TRAF3: variants seen among roughly 807,000 people sequenced by gnomAD.
TRAF3 encodes the protein TNF receptor-associated factor 3.
A neutral mutation model predicts 62.3 loss-of-function variants in TRAF3; 13 were observed. The ratio of observed to expected loss-of-function variants is 0.21; its 90% CI spans 0.14 to 0.33. The LOEUF is 0.33. TRAF3 is among the 10% of genes least tolerant of loss of function. The pLI is 1.00. For missense variants in TRAF3, 440 were observed against 741.8 expected, an observed-to-expected ratio of 0.59 and a Z score of 4.73; for synonymous variants, 269 against 283.4, an observed-to-expected ratio of 0.95 and a Z score of 0.51.
intron 1 of TRAF3, among the ~76,000 whole-genome samples, chr14:102,778,924 A>G (rs1486004843): frequency 6.6e-6 from 1 of 152,230 alleles, no homozygotes; most frequent in Admixed American, 6.5e-5. Flanking sequence ...CTGGCAAAAT[A>G]GTGTACAGCG....
chr14:102,883,124 C>T (rs566215230), intron 6 of TRAF3, among the ~76,000 whole-genome samples: 44 of 152,288 alleles, frequency 2.9e-4, no homozygotes, highest in African/African-American at 1.1e-3. Context: ...GAAACACACA[C>T]GCCAGGAAAT....
rs532764488 is a variant in TRAF3, at chr14:102,905,915, G to T, written c.*131G>T. On this transcript the variant is annotated 3_prime_UTR_variant, in exon 12 of 12. Transcript: ENST00000392745. ...GGAGGAAGCGGCAGAAGGCGGACGC[G>T]TGCCGGCGGGAGGAGCCACGCGTGA... 12 of 818,658 alleles carry T rather than the reference G, an allele frequency of 1.5e-5. No homozygotes were observed. The highest frequency in any genetic ancestry group is 2.1e-5 in the Non-Finnish European group (11 of 524,688). 50.7% of individuals were successfully genotyped at this position (818,658 alleles called of 1,614,324 possible).
chr14:102,789,450 A>C (rs1897678124), intron 1 of TRAF3, among the ~76,000 whole-genome samples: 1 of 139,462 alleles, frequency 7.2e-6, no homozygotes, highest in Non-Finnish European at 1.6e-5. Flanking sequence ...ATTTCAGGAC[A>C]TCTTTGCTAA....
chr14:102,893,389 A>G (rs917751066), intron 9 of TRAF3, among the ~76,000 whole-genome samples: 2 of 146,320 alleles, frequency 1.4e-5, no homozygotes, highest in South Asian at 4.3e-4. Flanking sequence ...GACTGTCTCA[A>G]AAAAAAAAAA....
chr14:102,871,145 GCTC>G (rs1328098172), intron 3 of TRAF3, among the ~76,000 whole-genome samples: 1 of 152,242 alleles, frequency 6.6e-6, no homozygotes, highest in East Asian at 1.9e-4. Context: ...AAGGTTGCCA[GCTC>G]CTCCTCCCAC....
rs1890389599 is a variant in TRAF3, at chr14:102,903,159, T to A, written c.961-96T>A. The A allele has an allele frequency of 1.3e-6, 2 of 1,572,466 alleles. No individual in the cohort carries two copies. Among genetic ancestry groups the A allele is most frequent in the Non-Finnish European group, 1.7e-6 (2 of 1,143,508 alleles). ...CAGGCCTCATACAGGGGCCTCTGAC[T>A]GTTCTGCTCCTAGCCTGTCTGTATT... On this transcript the variant is annotated intron_variant, in intron 10 of 11. Transcript: ENST00000392745. This position sits in a 1 kb window ranked among gnomAD's most constrained non-coding sequence, Gnocchi z 6.4.
chr14:102,784,803 C>T (rs1897418078), intron 1 of TRAF3, among the ~76,000 whole-genome samples: 2 of 152,088 alleles, frequency 1.3e-5, no homozygotes, highest in Non-Finnish European at 2.9e-5. Flanking sequence ...TAGGAGGAGG[C>T]GTTTCCCAAG....
chr14:102,891,202 C>T, intron 8 of TRAF3, 123 bp from the exon 9 acceptor site: 1 of 912,264 alleles, frequency 1.1e-6, no homozygotes. Flanking sequence ...ATTCCCTGTT[C>T]ACTTGACGCA....
At chr14:102,843,969 C>T (rs771644687) in intron 2 of TRAF3, among the ~76,000 whole-genome samples, 4 of 152,190 alleles carry the variant, frequency 2.6e-5, no homozygotes, top group Admixed American at 6.5e-5. Flanking sequence ...ATTAGCATCA[C>T]GCTATATACA....
At chr14:102,901,168 G>A (rs1890277734) in intron 10 of TRAF3, among the ~76,000 whole-genome samples, 1 of 152,148 alleles carries the variant, frequency 6.6e-6, no homozygotes, top group African/African-American at 2.4e-5. Flanking sequence ...CCCCTGCTGT[G>A]TGGGGGAGTC....
intron 1 of TRAF3, among the ~76,000 whole-genome samples, chr14:102,822,516 G>A (rs546972542): frequency 9.2e-5 from 14 of 152,242 alleles, no homozygotes; most frequent in African/African-American, 2.9e-4. Context: ...AAATGTGTGC[G>A]TATCTAAAGT....
chr14:102,880,669 T>C (rs1888998669), intron 6 of TRAF3, among the ~76,000 whole-genome samples: 1 of 152,254 alleles, frequency 6.6e-6, no homozygotes, highest in Non-Finnish European at 1.5e-5. Context: ...GTATGTTCAT[T>C]GAAGCAGTAT....
chr14:102,778,041 CGCGGGTTTCACGCGGGGGGACGG>C, intron 1 of TRAF3, among the ~76,000 whole-genome samples: 1 of 150,514 alleles, frequency 6.6e-6, no homozygotes, highest in Admixed American at 6.6e-5. Flanking sequence ...CCCGCGGGGC[CGCGGGTTTCACGCGGGGGGACGG>C]GCGGCTCAGG....
chr14:102,830,729 G>A (rs935442350), intron 2 of TRAF3, among the ~76,000 whole-genome samples: 9 of 152,152 alleles, frequency 5.9e-5, no homozygotes, highest in African/African-American at 2.2e-4. Flanking sequence ...CCTGCAAACT[G>A]GAATGTTGGG....
At chr14:102,793,802 A>G (rs1274876221) in intron 1 of TRAF3, among the ~76,000 whole-genome samples, 1 of 152,220 alleles carries the variant, frequency 6.6e-6, no homozygotes, top group Non-Finnish European at 1.5e-5. Context: ...GTTCCGGATA[A>G]TGGTTGCTGA....
At chr14:102,854,295 A>G (rs1392004828) in intron 2 of TRAF3, among the ~76,000 whole-genome samples, 1 of 152,260 alleles carries the variant, frequency 6.6e-6, no homozygotes, top group African/African-American at 2.4e-5. Flanking sequence ...CTTGGTATAT[A>G]CATAGAGATG....
rs1424171701 is a variant in TRAF3, at chr14:102,777,634, G to T, written c.-198G>T. 1 of 144,890 alleles carries T rather than the reference G, an allele frequency of 6.9e-6. No individual in the cohort carries two copies. The highest frequency in any genetic ancestry group is 1.5e-5 in the Non-Finnish European group (1 of 65,272). The allele number at this position is 144,890 out of a possible 1,614,324, so 9.0% of individuals were successfully genotyped here. Reference sequence around the variant, plus strand: ...CGCTGCGGACCGCGGCGGAGGACGCGCCCGGCGCCCCTGAGCCGGCCGAGC... The same window carrying T: ...CGCTGCGGACCGCGGCGGAGGACGCTCCCGGCGCCCCTGAGCCGGCCGAGC... On this transcript the variant is annotated 5_prime_UTR_variant, in exon 1 of 12. Transcript: ENST00000392745.
chr14:102,843,212 A>C (rs572994259), intron 2 of TRAF3, among the ~76,000 whole-genome samples: 82 of 152,144 alleles, frequency 5.4e-4, no homozygotes, highest in Admixed American at 1.2e-3. Context: ...CAAAAAAAAA[A>C]ACCCAAAAAC....
At chr14:102,811,140 C>T (rs1349292117) in intron 1 of TRAF3, among the ~76,000 whole-genome samples, 2 of 152,212 alleles carry the variant, frequency 1.3e-5, no homozygotes, top group East Asian at 1.9e-4. Context: ...CAGTCCCATG[C>T]ATTATACACT....
Sources: allele counts gnomAD v4.1 joint callset (sites outside exome capture counted in the v4.1 genomes callset), GRCh38; gene constraint gnomAD v4.1.1; non-coding constraint Gnocchi (gnomAD v3.1); transcripts MANE v1.5; gene names NCBI Gene and HGNC (gene_info 2026-07-23, HGNC 2026-07-21).